The following SOS2 variants were observed in gnomAD, a reference collection of about 807,000 sequenced individuals.
The protein encoded by SOS2 is son of sevenless homolog 2.
In SOS2, 65 loss-of-function variants were observed where a neutral mutation model predicts 148.2. The ratio of observed to expected loss-of-function variants is 0.44; its 90% CI spans 0.36 to 0.54. The LOEUF is 0.54. Among genes scored for constraint, SOS2 ranks in the 20% least tolerant of loss-of-function variants. The probability of loss-of-function intolerance (pLI) is 0.00; values close to 1 mark genes in which losing one functional copy is unlikely to be tolerated. For missense variants in SOS2, 1,341 were observed against 1,590.2 expected, an observed-to-expected ratio of 0.84 and a Z score of 2.67; for synonymous variants, 539 against 537.1, an observed-to-expected ratio of 1.00 and a Z score of -0.05.
intron 12 of SOS2, among the ~76,000 whole-genome samples, chr14:50,153,570 A>G (rs1208264545): frequency 6.6e-6 from 1 of 152,200 alleles, no homozygotes; most frequent in African/African-American, 2.4e-5. Flanking sequence ...AAAACCAACT[A>G]AGATGTACTG....
In SOS2 at chr14:50,227,663, G is replaced by A. The variant is rs143935068; in HGVS notation, c.87+3534C>T. ...CATGGTCTCGATCTCCTGACCTCAG[G>A]TAATCTGCCCGCCTTGGCCTCCCAA... On this transcript the variant is annotated intron_variant, in intron 1 of 22. Coordinates refer to ENST00000216373, the MANE Select transcript of SOS2 (RefSeq NM_006939.4). Among the ~76,000 whole-genome samples the A allele has an allele frequency of 3.2e-3, 486 of 152,238 alleles. 2 individuals are homozygous for A. The highest frequency in any genetic ancestry group is 0.011 in the African/African-American group (438 of 41,542).
intron 21 of SOS2, among the ~76,000 whole-genome samples, chr14:50,125,258 A>G (rs1295751014): frequency 2.6e-5 from 4 of 152,228 alleles, no homozygotes; most frequent in Non-Finnish European, 5.9e-5. Flanking sequence ...TCTACAAATC[A>G]GGAGATGCCA....
At chr14:50,216,096 TTTTTG>T (rs1435301349) in intron 1 of SOS2, among the ~76,000 whole-genome samples, 5 of 53,678 alleles carry the variant, frequency 9.3e-5, no homozygotes, top group Middle Eastern at 0.011. Context: ...TTTTGGGTTT[TTTTTG>T]TTTTTTTTTT....
rs1887548184 is a variant in SOS2 at position 50,231,549 on chromosome 14, C to T, written c.-266G>A. ...AGCCCGGGCGACCCCGGGCGGCGAC[C>T]TCCTTTCCCGGCGGCGCTGGCCCGC... On this transcript the variant is annotated 5_prime_UTR_variant, in exon 1 of 23. Coordinates refer to ENST00000216373, the MANE Select transcript of SOS2 (RefSeq NM_006939.4). 1 of 152,144 alleles carries T rather than the reference C, an allele frequency of 6.6e-6. No individual in the cohort carries two copies. The highest frequency in any genetic ancestry group is 1.5e-5 in the Non-Finnish European group (1 of 67,960). 9.4% of individuals were successfully genotyped at this position (152,144 alleles called of 1,614,324 possible). A position where few individuals can be genotyped will look rare whatever the true frequency, so the allele number is the denominator to read the frequency against.
At chr14:50,226,169 G>T (rs1354309598) in intron 1 of SOS2, among the ~76,000 whole-genome samples, 2 of 152,134 alleles carry the variant, frequency 1.3e-5, no homozygotes, top group Non-Finnish European at 2.9e-5. Context: ...GCAGCCAGGC[G>T]ACGTAGCTTA....
At chr14:50,217,260 A>T (rs1237987484) in intron 1 of SOS2, among the ~76,000 whole-genome samples, 1 of 152,218 alleles carries the variant, frequency 6.6e-6, no homozygotes, top group Non-Finnish European at 1.5e-5. Flanking sequence ...ATCCATATAC[A>T]AAAAAACAAA....
intron 8 of SOS2, among the ~76,000 whole-genome samples, chr14:50,170,512 T>G (rs1009236934): frequency 1.3e-5 from 2 of 151,348 alleles, no homozygotes; most frequent in African/African-American, 4.9e-5. Context: ...ATGGTGAGAC[T>G]CTATCTCTAC....
chr14:50,182,107 G>A (rs1183844109), intron 6 of SOS2, among the ~76,000 whole-genome samples: 2 of 151,666 alleles, frequency 1.3e-5, no homozygotes, highest in Admixed American at 6.6e-5. Flanking sequence ...TCACTATATA[G>A]GCAATGTGAT....
chr14:50,134,320 T>C, intron 18 of SOS2, 81 bp from the exon 19 acceptor site: 1 of 706,006 alleles, frequency 1.4e-6, no homozygotes, highest in East Asian at 2.9e-5. Flanking sequence ...TCATTAAAAT[T>C]TTTTGCTGAA....
Position 50,202,679 on chromosome 14 carries a change from G to A in SOS2, c.214-1595C>T, listed in dbSNP as rs1438748512. On this transcript the variant is annotated intron_variant, in intron 2 of 22. Coordinates refer to ENST00000216373, the MANE Select transcript of SOS2 (RefSeq NM_006939.4). ...GATCCCAGGAGTTCAAGGCTACAGT[G>A]AGCTATGATCCTGTCACTACACCCT... Among the ~76,000 whole-genome samples, 3 of 152,264 alleles carry A rather than the reference G, an allele frequency of 2.0e-5. No individual in the cohort carries two copies. The East Asian group carries it at 5.8e-4, about 29-fold the overall frequency.
At chr14:50,144,684 C>T (rs148532633) in intron 16 of SOS2, among the ~76,000 whole-genome samples, 3,717 of 152,034 alleles carry the variant, frequency 0.024, 148 homozygotes, top group African/African-American at 0.083. Flanking sequence ...GTGATCGACC[C>T]GCCTCAGCCT....
intron 7 of SOS2, 112 bp from the exon 8 acceptor site, chr14:50,174,664 T>C (rs1885468435): frequency 2.0e-6 from 1 of 490,464 alleles, no homozygotes; most frequent in Admixed American, 3.4e-5. Flanking sequence ...TTATCAAAAC[T>C]ACAACAGAAT....
At chr14:50,183,447 T>C (rs115593969) in intron 5 of SOS2, among the ~76,000 whole-genome samples, 1,788 of 151,516 alleles carry the variant, frequency 0.012, 38 homozygotes, top group African/African-American at 0.04. Flanking sequence ...CTCAAATTAA[T>C]ATATTCCAAG....
chr14:50,150,057 G>A lies in SOS2; in HGVS notation c.2335C>T (p.Pro779Ser). ...FETFDLMTLHPIEIARQLTLL... is the reference protein window; with the variant it reads ...FETFDLMTLHSIEIARQLTLL... Reference sequence around the variant, plus strand: ...GTCAGCTGACGTGCAATTTCTATTGGATGAAGTGTCATGAGATCAAATGTT... The same window carrying A: ...GTCAGCTGACGTGCAATTTCTATTGAATGAAGTGTCATGAGATCAAATGTT... Residue 779 changes from proline to serine, a missense_variant, in exon 14 of 23, where the codon CCA (proline) becomes TCA (serine). Physicochemically the swap from Pro to Ser is moderately conservative, Grantham distance 74 (BLOSUM62 -1). Coordinates refer to ENST00000216373, the MANE Select transcript of SOS2 (RefSeq NM_006939.4). 6.2e-7 allele frequency: 1 copy of A among 1,614,000 alleles called. No homozygotes were observed. The highest frequency in any genetic ancestry group is 8.5e-7 in the Non-Finnish European group (1 of 1,179,886).
intron 4 of SOS2, among the ~76,000 whole-genome samples, chr14:50,195,335 T>C (rs1235765878): frequency 6.6e-6 from 1 of 152,200 alleles, no homozygotes; most frequent in Non-Finnish European, 1.5e-5. Context: ...TTCACAGTTT[T>C]AGAAATCAGT....
At chr14:50,175,374 T>G (rs1409769357) in intron 7 of SOS2, among the ~76,000 whole-genome samples, 2 of 152,066 alleles carry the variant, frequency 1.3e-5, no homozygotes, top group Non-Finnish European at 2.9e-5. Flanking sequence ...CCTATAACAT[T>G]CTTTTGTGAA....
chr14:50,133,249 C>CTTTTT (rs1175960937), intron 19 of SOS2, among the ~76,000 whole-genome samples: 1 of 105,636 alleles, frequency 9.5e-6, no homozygotes. Context: ...TTTCTTTTTT[C>CTTTTT]TTTTTTTTTT....
chr14:50,209,300 T>C (rs1886784424), intron 1 of SOS2, among the ~76,000 whole-genome samples: 1 of 151,194 alleles, frequency 6.6e-6, no homozygotes, highest in African/African-American at 2.4e-5. Flanking sequence ...TGTGTGTGTG[T>C]GTGTGTGTGT....
At position 50,153,085 on chromosome 14, in the gene SOS2, T is replaced by C; in HGVS notation, c.2146A>G (p.Ile716Val). 1.3e-6 allele frequency: 2 copies of C among 1,560,380 alleles called. No homozygotes were observed. Among genetic ancestry groups the C allele is most frequent in the South Asian group, 1.1e-5 (1 of 88,984 alleles). The stretch of plus-strand genomic sequence containing the variant: ...TATAATATACCTCTTACACTTGAAA[T>C]GAAGGATTCTAGTCTTTCAAGCAAT... ...LELLERLESFISSVRGKAMKK... is the reference protein window; with the variant it reads ...LELLERLESFVSSVRGKAMKK... The change falls in exon 13 of 23, where the codon ATT (isoleucine) becomes GTT (valine). Residue 716 changes from isoleucine to valine, a missense_variant. Physicochemically the swap from Ile to Val is conservative, Grantham distance 29 (BLOSUM62 3). Transcript: ENST00000216373.
Sources: allele counts gnomAD v4.1 joint callset (sites outside exome capture counted in the v4.1 genomes callset), GRCh38; gene constraint gnomAD v4.1.1; transcripts MANE v1.5; gene names NCBI Gene and HGNC (gene_info 2026-07-23, HGNC 2026-07-21).